Variants in HEATR5A observed in about 807,000 individuals in gnomAD.
The protein encoded by HEATR5A is HEAT repeat-containing protein 5A.
In HEATR5A, 178 loss-of-function variants were observed where a neutral mutation model predicts 218.8. The observed-to-expected ratio is 0.81, with a 90% CI of 0.72 to 0.92. The LOEUF (loss-of-function observed/expected upper bound fraction) is 0.92, where lower values mean the gene tolerates loss of function less well. HEATR5A is among the 40% of genes least tolerant of loss of function. The pLI is 0.00. For synonymous variants in HEATR5A, 864 were observed against 871.6 expected, an observed-to-expected ratio of 0.99 and a Z score of 0.15; for missense variants, 2,420 against 2,418.9, an observed-to-expected ratio of 1.00 and a Z score of -0.01.
At position 31,302,149 on chromosome 14, in the gene HEATR5A, T is replaced by C. The variant is rs114161470; in HGVS notation, c.5464+146A>G. The C allele has an allele frequency of 3.4e-3, 2,213 of 643,230 alleles. 28 individuals carry two copies. In the African/African-American group the frequency reaches 0.035, roughly 10 times the overall value. 39.8% of individuals were successfully genotyped at this position (643,230 alleles called of 1,614,324 possible). Reference sequence around the variant, plus strand: ...ACCCGGCCAATTTTCTATCTACTTATACATATCCTCTAAACACATAGTATT... The same window carrying C: ...ACCCGGCCAATTTTCTATCTACTTACACATATCCTCTAAACACATAGTATT... On this transcript the variant is annotated intron_variant, in intron 33 of 35. Coordinates refer to ENST00000543095, the MANE Select transcript of HEATR5A (RefSeq NM_015473.4).
intron 13 of HEATR5A, chr14:31,371,564 GA>G (rs1477180386): frequency 6.9e-6 from 2 of 291,612 alleles, no homozygotes; most frequent in Non-Finnish European, 1.3e-5. Context: ...AAAAGGTTAA[GA>G]GGCTTAATAG....
At chr14:31,344,321 A>G (rs1900949839) in intron 20 of HEATR5A, among the ~76,000 whole-genome samples, 1 of 116,510 alleles carries the variant, frequency 8.6e-6, no homozygotes, top group Admixed American at 1.3e-4. Context: ...TCCGTTGCCC[A>G]GGCTGGAGTG....
Position 31,337,538 on chromosome 14 carries a change from G to A in HEATR5A, c.3305C>T (p.Ala1102Val), listed in dbSNP as rs1297394929. The A allele has an allele frequency of 1.3e-6, 2 of 1,573,544 alleles. No individual in the cohort carries two copies. The highest frequency in any genetic ancestry group is 1.7e-4 in the Middle Eastern group (1 of 6,016). ...AACAGCATGTTCTGAAACTTCAGCT[G>A]CTTCTCTTTGTACAAGCTGACGTAA... is the stretch of plus-strand genomic sequence containing the variant. ...ACLRQLVQRE[A>V]AEVSEHAVML... Residue 1102 changes from alanine to valine, a missense_variant, in exon 22 of 36, where the codon GCA (alanine) becomes GTA (valine). Physicochemically the swap from Ala to Val is moderately conservative, Grantham distance 64. Transcript: ENST00000543095.
intron 13 of HEATR5A, among the ~76,000 whole-genome samples, chr14:31,368,254 C>T (rs766930732): frequency 2.0e-5 from 3 of 152,124 alleles, no homozygotes; most frequent in Non-Finnish European, 4.4e-5. Flanking sequence ...AACAAGGTGC[C>T]ATCTTGGAGG....
At chr14:31,337,017 G>A (rs555462312) in intron 22 of HEATR5A, among the ~76,000 whole-genome samples, 1 of 152,132 alleles carries the variant, frequency 6.6e-6, no homozygotes, top group Non-Finnish European at 1.5e-5. Context: ...TAACACAATG[G>A]TAAACATTTG....
chr14:31,337,714 CCATCAGTGGGCTGGA>C, intron 21 of HEATR5A, 100 bp from the exon 22 acceptor site: 1 of 955,934 alleles, frequency 1.0e-6, no homozygotes. Context: ...TCTGTCCAGC[CCATCAGTGGGCTGGA>C]CACAATTTAT....
chr14:31,304,854 A>C (rs1899504873), intron 32 of HEATR5A, 51 bp downstream of exon 32: 1 of 1,579,106 alleles, frequency 6.3e-7, no homozygotes, highest in African/African-American at 1.4e-5. Flanking sequence ...ATTATCTATT[A>C]AAACCATTTC....
chr14:31,308,874 C>G, intron 29 of HEATR5A, 60 bp downstream of exon 29: 1 of 1,191,842 alleles, frequency 8.4e-7, no homozygotes, highest in Non-Finnish European at 1.1e-6. Context: ...AACTCCATCT[C>G]AAAAAAAAAA....
intron 13 of HEATR5A, among the ~76,000 whole-genome samples, chr14:31,365,026 C>T (rs1901752562): frequency 6.6e-6 from 1 of 151,776 alleles, no homozygotes; most frequent in Non-Finnish European, 1.5e-5. Flanking sequence ...AGGTGCGCAC[C>T]ACCATGCCCG....
intron 33 of HEATR5A, chr14:31,297,509 A>G (rs971046408): frequency 6.6e-6 from 1 of 152,568 alleles, no homozygotes; most frequent in African/African-American, 2.4e-5. Flanking sequence ...CAAACAAACA[A>G]CATTCAAAGT....
chr14:31,383,578 T>G lies in HEATR5A; in HGVS notation c.1539A>C (p.Ala513=), dbSNP rs2030084325. 2 of 1,613,818 alleles carry G rather than the reference T, an allele frequency of 1.2e-6. No individual in the cohort carries two copies. The highest frequency in any genetic ancestry group is 2.2e-5 in the East Asian group (1 of 44,886). The stretch of plus-strand genomic sequence containing the variant: ...AATGTTTTACTGCTCCCAACAAAGC[T>G]GCTACAGCAAAACTGAAGCCAGTCA... ...EAVTGFSFAV[A]ALLGAVKHCP... Residue 513 remains alanine, a synonymous_variant, in exon 10 of 36, where the codon GCA becomes GCC. Transcript: ENST00000543095.
intron 10 of HEATR5A, 96 bp downstream of exon 10, chr14:31,383,425 G>T: frequency 1.6e-6 from 2 of 1,230,906 alleles, no homozygotes; most frequent in Non-Finnish European, 2.3e-6. Flanking sequence ...TAGATGTACA[G>T]CAAAATAAAG....
intron 9 of HEATR5A, 66 bp from the exon 10 acceptor site, chr14:31,383,837 A>G: frequency 7.9e-7 from 1 of 1,262,862 alleles, no homozygotes; most frequent in Non-Finnish European, 1.1e-6. Flanking sequence ...AAAATAGTCA[A>G]AAGAATACAT....
intron 22 of HEATR5A, among the ~76,000 whole-genome samples, chr14:31,335,111 C>T (rs1900610622): frequency 6.6e-6 from 1 of 152,070 alleles, no homozygotes; most frequent in Non-Finnish European, 1.5e-5. Context: ...CATCTTTTAG[C>T]AATAAAGAAT....
chr14:31,311,790 T>C (rs1899763652), intron 28 of HEATR5A, among the ~76,000 whole-genome samples: 1 of 152,180 alleles, frequency 6.6e-6, no homozygotes, highest in Admixed American at 6.5e-5. Context: ...AGCAAGGCAA[T>C]TTACTTTTGC....
At chr14:31,348,453 C>T (rs1901093244) in intron 18 of HEATR5A, among the ~76,000 whole-genome samples, 1 of 152,044 alleles carries the variant, frequency 6.6e-6, no homozygotes. Context: ...CGTAGTGTCA[C>T]AAGCCTGTAG....
intron 13 of HEATR5A, among the ~76,000 whole-genome samples, chr14:31,364,954 A>G (rs554473938): frequency 6.6e-6 from 1 of 152,196 alleles, no homozygotes; most frequent in South Asian, 2.1e-4. Flanking sequence ...GGCTCACTGC[A>G]ACCTCCGCCT....
chr14:31,306,825 AT>A lies in HEATR5A; in HGVS notation c.4872del (p.Glu1624AspfsTer13). On this transcript the variant is annotated frameshift_variant, in exon 31 of 36. Coordinates refer to ENST00000543095, the MANE Select transcript of HEATR5A (RefSeq NM_015473.4). LOFTEE classifies it high-confidence loss of function. The stretch of plus-strand genomic sequence containing the variant: ...AGTGAAGCCAACTGAATGGAAGGTG[AT>A]TCTCTGGTTAAAATTACTCGATGTA... ...NVLHRVILTR[E>X]SPSIQLASLE... 2 of 1,613,660 alleles carry A rather than the reference AT, an allele frequency of 1.2e-6. No homozygotes were observed. Among genetic ancestry groups the A allele is most frequent in the Admixed American group, 1.7e-5 (1 of 59,998 alleles).
intron 22 of HEATR5A, among the ~76,000 whole-genome samples, chr14:31,330,172 C>A (rs1008979742): frequency 6.6e-6 from 1 of 152,230 alleles, no homozygotes; most frequent in Non-Finnish European, 1.5e-5. Context: ...CTGGGCATTT[C>A]CATGCATCCT....
Sources: allele counts gnomAD v4.1 joint callset (sites outside exome capture counted in the v4.1 genomes callset), GRCh38; gene constraint gnomAD v4.1.1; transcripts MANE v1.5; gene names NCBI Gene and HGNC (gene_info 2026-07-23, HGNC 2026-07-21).